Variants in ZNF782 observed in about 807,000 individuals in gnomAD.
The protein encoded by ZNF782 is zinc finger protein 782.
Under a neutral mutation model 13.0 loss-of-function variants are expected in ZNF782, and 12 were observed. The observed-to-expected ratio is 0.92, with a 90% CI of 0.59 to 1.50. ZNF782 has a LOEUF of 1.50. Ranked by LOEUF, ZNF782 falls within the 40% of genes most tolerant of loss-of-function variation. ZNF782 has a pLI of 0.00. For synonymous variants in ZNF782, 284 were observed against 283.0 expected (o/e 1.00, Z -0.04); for missense variants, 770 against 822.9 (o/e 0.94, Z 0.79).
intron 4 of ZNF782, among the ~76,000 whole-genome samples, chr9:96,830,081 A>G (rs570216498): frequency 1.2e-4 from 18 of 152,330 alleles, no homozygotes; most frequent in Admixed American, 8.5e-4. Context: ...GGAGATGGAA[A>G]AACAAGACAA....
At chr9:96,881,207 AC>A in the ZNF782 span, among the ~76,000 whole-genome samples, 9 of 150,394 alleles carry the variant, frequency 6.0e-5, no homozygotes, top group South Asian at 1.7e-3. Flanking sequence ...CTCTTCCAAA[AC>A]CCCCCACAAC....
intron 3 of ZNF782, among the ~76,000 whole-genome samples, chr9:96,848,115 T>G (rs541300853): frequency 5.3e-5 from 8 of 152,026 alleles, no homozygotes; most frequent in Non-Finnish European, 7.4e-5. Flanking sequence ...CAAAATCTAG[T>G]GTACCTTTAT....
rs920154630 is a variant in ZNF782, at chr9:96,819,606, G to C, written c.417C>G (p.Asp139Glu). Residue 139 changes from aspartate (D) to glutamate (E), a missense_variant, in exon 6 of 6, where the codon GAC becomes GAG. Physicochemically the swap from Asp to Glu is conservative, Grantham distance 45. Coordinates refer to ENST00000481138, the MANE Select transcript of ZNF782 (RefSeq NM_001001662.3). ...GCCCCTGGCAAGCAGACCCCGCAAT[G>C]TCACATTTACAAGGCATCATTCTTG... ...FRARMMPCKC[D>E]IAGSACQGLS... 6.8e-6 allele frequency: 11 copies of C among 1,613,874 alleles called. No homozygotes were observed. Among genetic ancestry groups the C allele is most frequent in the Middle Eastern group, 1.6e-4 (1 of 6,084 alleles).
the ZNF782 span, among the ~76,000 whole-genome samples, chr9:96,922,841 C>G: frequency 2.0e-5 from 3 of 151,654 alleles, no homozygotes; most frequent in Non-Finnish European, 4.4e-5. Flanking sequence ...AAAGACATTA[C>G]GAAGAAACAC....
At position 96,818,895 on chromosome 9, in the gene ZNF782, A is replaced by G; in HGVS notation, c.1128T>C (p.Ser376=). 7 of 1,614,196 alleles carry G rather than the reference A, an allele frequency of 4.3e-6. No homozygotes were observed. Among genetic ancestry groups the G allele is most frequent in the East Asian group, 2.2e-5 (1 of 44,874 alleles). The change falls in exon 6 of 6, where the codon TCT becomes TCC. Residue 376 remains serine (S), a synonymous_variant. Coordinates refer to ENST00000481138, the MANE Select transcript of ZNF782 (RefSeq NM_001001662.3). ...YEYNECGKSC[S]MNSHLIWPQK... ...GAGGCCAAATCAAGTGTGAATTCAT[A>G]GAGCAGGATTTCCCACATTCATTAT...
the ZNF782 span, among the ~76,000 whole-genome samples, chr9:96,927,493 T>C: frequency 6.6e-6 from 1 of 152,220 alleles, no homozygotes; most frequent in South Asian, 2.1e-4. Context: ...TTTTCTGCAA[T>C]GGTTGTGGTG....
In ZNF782 at chr9:96,818,686, CCT is replaced by C. The variant is rs767445475; in HGVS notation, c.1335_1336del (p.Lys448ThrfsTer6). The C allele has an allele frequency of 1.0e-4, 165 of 1,614,004 alleles. No homozygotes were observed. The highest frequency in any genetic ancestry group is 6.6e-4 in the Middle Eastern group (4 of 6,082). ...TTCATGACATTCGAATGGTTTCTCC[CCT>C]GTGTGGGTTCTCTGGTGTATTCTTA... On this transcript the variant is annotated frameshift_variant, in exon 6 of 6. Transcript: ENST00000481138. LOFTEE classifies it low-confidence loss of function (END_TRUNC).
chr9:96,899,417 TTTG>T, the ZNF782 span, among the ~76,000 whole-genome samples: 2 of 152,182 alleles, frequency 1.3e-5, no homozygotes, highest in Admixed American at 6.5e-5. Context: ...TTTTAATCTT[TTTG>T]TTGTTTAGTT....
chr9:96,916,057 C>T, the ZNF782 span, among the ~76,000 whole-genome samples: 2 of 151,778 alleles, frequency 1.3e-5, no homozygotes, highest in Admixed American at 6.6e-5. Flanking sequence ...AAGGAAAAAA[C>T]ATCACGAAAT....
chr9:96,841,410 T>G (rs1404153503), intron 4 of ZNF782, among the ~76,000 whole-genome samples: 1 of 151,980 alleles, frequency 6.6e-6, no homozygotes, highest in South Asian at 2.1e-4. Flanking sequence ...TATGCTGATA[T>G]GAAAACCAGA....
chr9:96,883,584 G>T, the ZNF782 span, among the ~76,000 whole-genome samples: 143 of 152,280 alleles, frequency 9.4e-4, no homozygotes, highest in Non-Finnish European at 1.7e-3. Context: ...ACATATTTTT[G>T]AGCCCTAGAC....
chr9:96,907,322 T>C, the ZNF782 span, among the ~76,000 whole-genome samples: 1 of 152,150 alleles, frequency 6.6e-6, no homozygotes, highest in African/African-American at 2.4e-5. Flanking sequence ...GAAAGTAGAA[T>C]GCGGGTTGCC....
At chr9:96,931,620 C>T in the ZNF782 span, 2 of 1,232,008 alleles carry the variant, frequency 1.6e-6, no homozygotes, top group East Asian at 2.6e-5. Context: ...TGCAGAGTTT[C>T]CCTGTCACAT....
intron 1 of ZNF782, among the ~76,000 whole-genome samples, chr9:96,868,109 G>A (rs920944540): frequency 6.6e-6 from 1 of 152,118 alleles, no homozygotes; most frequent in Non-Finnish European, 1.5e-5. Flanking sequence ...TCAAAGAATC[G>A]CTGAGAAACA....
chr9:96,899,545 TTATAAA>T, the ZNF782 span, among the ~76,000 whole-genome samples: 757 of 152,326 alleles, frequency 5.0e-3, 6 homozygotes, highest in African/African-American at 0.017. Context: ...ACCAGGTAAT[TTATAAA>T]TAAAATGAAT....
chr9:96,909,821 A>G, the ZNF782 span, among the ~76,000 whole-genome samples: 4 of 151,958 alleles, frequency 2.6e-5, no homozygotes, highest in Admixed American at 6.6e-5. Flanking sequence ...CCAAAACAGC[A>G]AAAGCATTCA....
At chr9:96,902,916 C>A in the ZNF782 span, 2 of 151,292 alleles carry the variant, frequency 1.3e-5, no homozygotes, top group Non-Finnish European at 2.9e-5. Context: ...GATCCTCCCA[C>A]CTCAGGATCC....
the ZNF782 span, among the ~76,000 whole-genome samples, chr9:96,903,908 G>C: frequency 6.6e-6 from 1 of 151,792 alleles, no homozygotes; most frequent in Non-Finnish European, 1.5e-5. Context: ...GGGACTGGTG[G>C]GTCATATAGT....
At chr9:96,889,821 T>TA in the ZNF782 span, 1 of 152,252 alleles carries the variant, frequency 6.6e-6, no homozygotes, top group Admixed American at 6.5e-5. Context: ...ATTTAACTGA[T>TA]ACGTATATTT....
Sources: gnomAD v4.1 joint callset for allele counts (sites outside exome capture counted in the v4.1 genomes callset) on GRCh38, gnomAD v4.1.1 for gene constraint, MANE v1.5 for transcripts, NCBI Gene and HGNC (gene_info 2026-07-23, HGNC 2026-07-21) for gene names.